FBXL17: variants seen among roughly 807,000 people sequenced by gnomAD.
FBXL17 encodes the protein F-box/LRR-repeat protein 17.
FBXL17 carries 22 observed loss-of-function variants against 66.2 expected under a neutral mutation model. The observed-to-expected ratio is 0.33, with a 90% confidence interval of 0.24 to 0.47. FBXL17 has a LOEUF of 0.47. FBXL17 is among the 20% of genes least tolerant of loss of function. The pLI, the probability that FBXL17 is intolerant of heterozygous loss-of-function variation, is 1.00. For missense variants in FBXL17, 878 were observed against 948.2 expected (o/e 0.93, Z 0.97); for synonymous variants, 474 against 400.5 (o/e 1.18, Z -2.19).
At chr5:108,040,065 G>A (rs1434188280) in intron 6 of FBXL17, among the ~76,000 whole-genome samples, 1 of 152,158 alleles carries the variant, frequency 6.6e-6, no homozygotes. Context: ...AAATATTTGG[G>A]TATAATAATT....
intron 4 of FBXL17, among the ~76,000 whole-genome samples, chr5:108,286,378 A>G (rs114911422): frequency 0.024 from 3,588 of 152,092 alleles, 131 homozygotes; most frequent in African/African-American, 0.081. Flanking sequence ...ATATAATTCT[A>G]TATCTAGAAA....
intron 8 of FBXL17, among the ~76,000 whole-genome samples, chr5:107,865,009 G>A (rs1172004449): frequency 2.0e-5 from 3 of 152,096 alleles, no homozygotes; most frequent in Admixed American, 6.6e-5. Flanking sequence ...AAGTCATTTC[G>A]TCAGAGAGGA....
chr5:107,983,951 A>C (rs558256270), intron 7 of FBXL17, among the ~76,000 whole-genome samples: 58 of 152,284 alleles, frequency 3.8e-4, no homozygotes, highest in African/African-American at 1.3e-3. Context: ...GAAGAAAAAT[A>C]ATTGACGCCC....
At chr5:107,949,522 A>G (rs1751431155) in intron 7 of FBXL17, among the ~76,000 whole-genome samples, 1 of 152,224 alleles carries the variant, frequency 6.6e-6, no homozygotes, top group South Asian at 2.1e-4. Flanking sequence ...CACAGAAATC[A>G]CAAGAAGGAA....
chr5:108,031,481 T>C (rs1315891711), intron 6 of FBXL17, among the ~76,000 whole-genome samples: 3 of 152,198 alleles, frequency 2.0e-5, no homozygotes, highest in East Asian at 3.9e-4. Context: ...TGGTAATTTA[T>C]GCATAATATC....
At position 107,951,411 on chromosome 5, in the gene FBXL17, C is replaced by T. The variant is rs577799477; in HGVS notation, c.1822+69514G>A. On this transcript the variant is annotated intron_variant, in intron 7 of 8. Coordinates refer to ENST00000542267, the MANE Select transcript of FBXL17 (RefSeq NM_001163315.3). The stretch of plus-strand genomic sequence containing the variant: ...GTCACATTGGCATTCAGATAAAAAA[C>T]TGCCAGTGCATTCTGGCAGAACAGG... 2.6e-5 allele frequency among the ~76,000 whole-genome samples: 4 copies of T among 152,316 alleles called. No individual in the cohort carries two copies. The South Asian group carries it at 6.2e-4, about 24-fold the overall frequency.
chr5:108,214,955 T>C (rs115159913), intron 5 of FBXL17, among the ~76,000 whole-genome samples: 2,434 of 152,258 alleles, frequency 0.016, 65 homozygotes, highest in African/African-American at 0.054. Context: ...AAACAAATCA[T>C]ATAGAAAAAT....
intron 6 of FBXL17, among the ~76,000 whole-genome samples, chr5:108,032,880 T>C (rs1377999417): frequency 1.3e-5 from 2 of 152,184 alleles, no homozygotes; most frequent in South Asian, 2.1e-4. Flanking sequence ...CCAAGGAATT[T>C]GATTTATAAA....
At position 108,055,403 on chromosome 5, in the gene FBXL17, T is replaced by C. The variant is rs1383298843; in HGVS notation, c.1746-34402A>G. 4.1e-5 allele frequency among the ~76,000 whole-genome samples: 6 copies of C among 147,398 alleles called. No homozygotes were observed. In the East Asian group the frequency reaches 1.2e-3, roughly 30 times the overall value. ...GCGGGCGGATCACAAGGTCAGGAGA[T>C]TGAGACCATCCTGGCTAACACAGTG... is the stretch of plus-strand genomic sequence containing the variant. On this transcript the variant is annotated intron_variant, in intron 6 of 8. Transcript: ENST00000542267.
chr5:108,200,285 G>A (rs909446255), intron 5 of FBXL17, among the ~76,000 whole-genome samples: 1 of 152,006 alleles, frequency 6.6e-6, no homozygotes, highest in Non-Finnish European at 1.5e-5. Context: ...TATATATAGA[G>A]AAGAGCATGC....
intron 4 of FBXL17, among the ~76,000 whole-genome samples, chr5:108,277,865 C>G (rs1260264542): frequency 6.6e-6 from 1 of 152,140 alleles, no homozygotes; most frequent in Non-Finnish European, 1.5e-5. Flanking sequence ...ACTATCATGT[C>G]TTAAAAAATG....
Position 108,083,250 on chromosome 5 carries a change from CAGAG to C in FBXL17, c.1746-62253_1746-62250del, listed in dbSNP as rs75900350. On this transcript the variant is annotated intron_variant, in intron 6 of 8. Coordinates refer to ENST00000542267, the MANE Select transcript of FBXL17 (RefSeq NM_001163315.3). ...ACACACACACACACACACACACACA[CAGAG>C]AGAGAGATAGACAGATATATTAAGA... Among the ~76,000 whole-genome samples the C allele has an allele frequency of 6.4e-3, 931 of 145,608 alleles. 12 individuals carry two copies. Among genetic ancestry groups the C allele is most frequent in the Middle Eastern group, 0.025 (7 of 282 alleles).
At chr5:107,950,016 C>T (rs1751445348) in intron 7 of FBXL17, among the ~76,000 whole-genome samples, 1 of 152,114 alleles carries the variant, frequency 6.6e-6, no homozygotes, top group East Asian at 1.9e-4. Flanking sequence ...GACTGCTGTC[C>T]CATATGCCTT....
At chr5:107,950,870 C>G (rs549333430) in intron 7 of FBXL17, among the ~76,000 whole-genome samples, 3 of 152,304 alleles carry the variant, frequency 2.0e-5, no homozygotes, top group African/African-American at 7.2e-5. Context: ...TGAGCACGAA[C>G]TAATAACAAC....
chr5:108,037,074 T>A (rs544579250), intron 6 of FBXL17, among the ~76,000 whole-genome samples: 2 of 152,128 alleles, frequency 1.3e-5, no homozygotes, highest in Admixed American at 6.6e-5. Context: ...GGTAAGAATA[T>A]GTAATGAAAC....
chr5:107,946,038 T>G (rs561285526), intron 7 of FBXL17, among the ~76,000 whole-genome samples: 1 of 151,754 alleles, frequency 6.6e-6, no homozygotes, highest in South Asian at 2.1e-4. Context: ...GTTTTAGAAT[T>G]AGAATTTACC....
Position 108,230,811 on chromosome 5 carries a change from G to A in FBXL17, c.1507-6583C>T, listed in dbSNP as rs547695252. Among the ~76,000 whole-genome samples, 40 of 144,332 alleles carry A rather than the reference G, an allele frequency of 2.8e-4. 1 individual carries two copies. The highest frequency in any genetic ancestry group is 4.7e-4 in the Non-Finnish European group (31 of 65,768). The allele number at this position is 144,332 out of a possible 152,430, so 94.7% of individuals were successfully genotyped here. On this transcript the variant is annotated intron_variant, in intron 4 of 8. Transcript: ENST00000542267. ...CTTTGGGGGAAGGGTTGGGGGGCGC[G>A]AGGGATAAAAGACTACAAATAGGGT...
At chr5:108,295,733 T>C (rs1261774006) in intron 4 of FBXL17, among the ~76,000 whole-genome samples, 1 of 151,986 alleles carries the variant, frequency 6.6e-6, no homozygotes, top group Non-Finnish European at 1.5e-5. Flanking sequence ...GCATGATTAA[T>C]TCTTAAAGTA....
At chr5:108,217,677 CAGTCTAT>C (rs1754667090) in intron 5 of FBXL17, among the ~76,000 whole-genome samples, 2 of 152,064 alleles carry the variant, frequency 1.3e-5, no homozygotes, top group South Asian at 2.1e-4. Context: ...ATATGTACTA[CAGTCTAT>C]AGTCTATAGT....
Sources: allele counts gnomAD v4.1 joint callset (sites outside exome capture counted in the v4.1 genomes callset), GRCh38; gene constraint gnomAD v4.1.1; transcripts MANE v1.5; gene names NCBI Gene and HGNC (gene_info 2026-07-23, HGNC 2026-07-21).